Variants in TRAPPC8 observed in about 807,000 individuals in gnomAD.
The protein encoded by TRAPPC8 is general sporulation gene 1 homolog.
In TRAPPC8, 54 loss-of-function variants were observed where a neutral mutation model predicts 174.3. The observed-to-expected ratio is 0.31, with a 90% CI of 0.25 to 0.39. The LOEUF (loss-of-function observed/expected upper bound fraction) is 0.39, where lower values mean the gene tolerates loss of function less well. Among genes scored for constraint, TRAPPC8 ranks in the 10% least tolerant of loss-of-function variants. TRAPPC8 has a pLI of 1.00. For missense variants in TRAPPC8, 1,531 were observed against 1,699.1 expected (o/e 0.90, Z 1.74); for synonymous variants, 630 against 579.9 (o/e 1.09, Z -1.24).
In TRAPPC8 at chr18:31,913,369, C is replaced by G; in HGVS notation, c.771G>C (p.Gln257His). 1 of 1,561,664 alleles carries G rather than the reference C, an allele frequency of 6.4e-7. No individual in the cohort carries two copies. Among genetic ancestry groups the G allele is most frequent in the Non-Finnish European group, 8.6e-7 (1 of 1,161,220 alleles). The change falls in exon 5 of 29, where the codon CAG becomes CAC. Residue 257 changes from glutamine to histidine, a missense_variant and splice_region_variant. By Grantham distance (24) the Gln-to-His change is conservative. Coordinates refer to ENST00000283351, the MANE Select transcript of TRAPPC8 (RefSeq NM_014939.5). ...TGCTTCATTTATTTTTTACATATACCTGGTTTTGAATACTATTTTTCTGGA... is the reference window on the plus strand; with the variant it reads ...TGCTTCATTTATTTTTTACATATACGTGGTTTTGAATACTATTTTTCTGGA... ...QYLQKNSIQN[Q>H]ESYEDGPCTI...
rs746512056 is a variant in TRAPPC8, at chr18:31,917,607, T to C, written c.413A>G (p.Asp138Gly). The change falls in exon 3 of 29, where the codon GAT becomes GGT. Residue 138 changes from aspartate to glycine, a missense_variant. Asp to Gly is a moderately conservative substitution (Grantham distance 94). Transcript: ENST00000283351. ...TAAATAGTGGTTCAGAAATTCATGA[T>C]CCAATGCTGGCATCGACTGAAGAAA... ...ETFLQSMPAL[D>G]HEFLNHYLAC... is the part of the protein sequence containing the mutation. 2 of 1,613,386 alleles carry C rather than the reference T, an allele frequency of 1.2e-6. No homozygotes were observed. The highest frequency in any genetic ancestry group is 1.7e-6 in the Non-Finnish European group (2 of 1,179,744).
At chr18:31,936,657 T>C (rs2038110508) in intron 1 of TRAPPC8, among the ~76,000 whole-genome samples, 1 of 151,990 alleles carries the variant, frequency 6.6e-6, no homozygotes, top group Non-Finnish European at 1.5e-5. Flanking sequence ...ATCCAGCACT[T>C]TGGGAGGCCG....
chr18:31,906,095 G>A (rs1022073091), intron 9 of TRAPPC8, among the ~76,000 whole-genome samples: 3 of 151,398 alleles, frequency 2.0e-5, no homozygotes, highest in Admixed American at 6.6e-5. Context: ...TTGGTTGGCC[G>A]GGCACAGTAC....
Position 31,864,710 on chromosome 18 carries a change from T to C in TRAPPC8, c.2662A>G (p.Thr888Ala), listed in dbSNP as rs757396556. 2 of 1,613,262 alleles carry C rather than the reference T, an allele frequency of 1.2e-6. No homozygotes were observed. Among genetic ancestry groups the C allele is most frequent in the South Asian group, 1.1e-5 (1 of 91,010 alleles). ...TTAACAGATGTTTTCTCTTCTTTTG[T>C]GTTGTTAAGTCGAGGACCTTGAATT... The part of the protein sequence containing the change: ...LEIQGPRLNN[T>A]KEEKTSVKYG... The change falls in exon 19 of 29, where the codon ACA becomes GCA. Residue 888 changes from threonine (T) to alanine (A), a missense_variant. Transcript: ENST00000283351.
Position 31,942,903 on chromosome 18 carries a change from AGAAG to A in TRAPPC8, c.-143_-140del, listed in dbSNP as rs1334961704. On this transcript the variant is annotated 5_prime_UTR_variant, in exon 1 of 29. Coordinates refer to ENST00000283351, the MANE Select transcript of TRAPPC8 (RefSeq NM_014939.5). ...CCGAACGCACTGGAGCCTAGAAACAAGAAGGAACAGACGCCGCCGCTTCGGTTTC... is the reference window on the plus strand; with the variant it reads ...CCGAACGCACTGGAGCCTAGAAACAAGAACAGACGCCGCCGCTTCGGTTTC... 1.4e-5 allele frequency: 17 copies of A among 1,242,350 alleles called. No individual in the cohort carries two copies. Among genetic ancestry groups the A allele is most frequent in the Non-Finnish European group, 1.5e-5 (15 of 993,640 alleles). The allele number at this position is 1,242,350 out of a possible 1,614,324, so 77.0% of individuals were successfully genotyped here.
chr18:31,867,582 CA>C, intron 16 of TRAPPC8, 106 bp from the exon 17 acceptor site: 4 of 802,724 alleles, frequency 5.0e-6, no homozygotes, highest in South Asian at 3.5e-5. Context: ...TTAAAGTCTG[CA>C]TTTACTTGGT....
Position 31,943,089 on chromosome 18 carries a change from C to T in TRAPPC8, c.-325G>A. 1 of 421,172 alleles carries T rather than the reference C, an allele frequency of 2.4e-6. No homozygotes were observed. The highest frequency in any genetic ancestry group is 4.1e-6 in the Non-Finnish European group (1 of 245,576). The allele number at this position is 421,172 out of a possible 1,614,324, so 26.1% of individuals were successfully genotyped here. ...TTGGTCACTGCCCGGCCGGAACCGC[C>T]ATGTTGAGGCCGAACCCTGACCAAC... On this transcript the variant is annotated 5_prime_UTR_variant, in exon 1 of 29. An upstream start codon of the reference 5' UTR is lost. Coordinates refer to ENST00000283351, the MANE Select transcript of TRAPPC8 (RefSeq NM_014939.5).
chr18:31,869,404 T>A (rs1215304233), intron 16 of TRAPPC8, among the ~76,000 whole-genome samples: 7 of 152,204 alleles, frequency 4.6e-5, no homozygotes, highest in Non-Finnish European at 1.0e-4. Flanking sequence ...CTTACTGTCA[T>A]AAAGATTAGA....
intron 1 of TRAPPC8, among the ~76,000 whole-genome samples, chr18:31,932,427 CAAA>C (rs1360020262): frequency 4.7e-4 from 57 of 121,874 alleles, no homozygotes; most frequent in Non-Finnish European, 7.2e-4. Flanking sequence ...ACTTGGTCTC[CAAA>C]AAAAAAAAAA....
chr18:31,930,595 G>A (rs1033258655), intron 2 of TRAPPC8, among the ~76,000 whole-genome samples: 4 of 151,826 alleles, frequency 2.6e-5, no homozygotes, highest in South Asian at 2.1e-4. Flanking sequence ...TTTTAATATT[G>A]GAAAACAGTT....
chr18:31,895,419 GC>G (rs1315740427), intron 11 of TRAPPC8, among the ~76,000 whole-genome samples: 3 of 152,098 alleles, frequency 2.0e-5, no homozygotes, highest in African/African-American at 7.2e-5. Flanking sequence ...ACCACCACCT[GC>G]CCCCTCTCCC....
chr18:31,897,896 A>C lies in TRAPPC8; in HGVS notation c.1491-5T>G. ...CTTTCAGCCAACACCATATTCCTAT[A>C]GAAAAAAGGACAAGAAGATAAAATA... On this transcript the variant is annotated splice_polypyrimidine_tract_variant and splice_region_variant and intron_variant, in intron 10 of 28. Coordinates refer to ENST00000283351, the MANE Select transcript of TRAPPC8 (RefSeq NM_014939.5). 2 of 1,607,592 alleles carry C rather than the reference A, an allele frequency of 1.2e-6. No individual in the cohort carries two copies. The highest frequency in any genetic ancestry group is 1.7e-6 in the Non-Finnish European group (2 of 1,176,494).
intron 12 of TRAPPC8, among the ~76,000 whole-genome samples, chr18:31,882,571 C>T (rs2035507368): frequency 6.6e-6 from 1 of 152,066 alleles, no homozygotes. Context: ...ACACAATATA[C>T]TCATGCAGCA....
intron 11 of TRAPPC8, among the ~76,000 whole-genome samples, chr18:31,893,863 A>G (rs1215011856): frequency 1.3e-5 from 2 of 152,086 alleles, no homozygotes; most frequent in Non-Finnish European, 2.9e-5. Context: ...AAAATAATAT[A>G]CACACACACA....
intron 11 of TRAPPC8, chr18:31,896,300 A>G (rs2036181832): frequency 6.6e-6 from 1 of 152,192 alleles, no homozygotes; most frequent in South Asian, 2.1e-4. Flanking sequence ...AACCAACAAC[A>G]AAAGAAAGAG....
chr18:31,901,238 C>G (rs1455532468), intron 9 of TRAPPC8, among the ~76,000 whole-genome samples: 1 of 142,196 alleles, frequency 7.0e-6, no homozygotes, highest in East Asian at 2.1e-4. Context: ...GGACTGAAGT[C>G]AGAGAGGTCA....
At position 31,849,467 on chromosome 18, in the gene TRAPPC8, A is replaced by G. The variant is rs868019683; in HGVS notation, c.3735+99T>C. ...AGTTTCAATATTGAAACTAGAAAAG[A>G]TAAGCATAAAAAATATAAATAGTAA... On this transcript the variant is annotated intron_variant, in intron 25 of 28. Coordinates refer to ENST00000283351, the MANE Select transcript of TRAPPC8 (RefSeq NM_014939.5). 6.5e-6 allele frequency: 7 copies of G among 1,069,152 alleles called. No individual in the cohort carries two copies. The African/African-American group carries it at 8.3e-5, about 13-fold the overall frequency. 66.2% of individuals were successfully genotyped at this position (1,069,152 alleles called of 1,614,324 possible).
intron 11 of TRAPPC8, chr18:31,896,367 T>A (rs768482151): frequency 6.6e-6 from 1 of 152,122 alleles, no homozygotes; most frequent in African/African-American, 2.4e-5. Flanking sequence ...AGGTTAAAAT[T>A]GTTTTAATTA....
At chr18:31,859,581 TAG>T (rs1432257039) in intron 19 of TRAPPC8, among the ~76,000 whole-genome samples, 3 of 152,218 alleles carry the variant, frequency 2.0e-5, no homozygotes, top group East Asian at 1.9e-4. Context: ...CTAAAATACA[TAG>T]AGACACCTAG....
Sources: allele counts gnomAD v4.1 joint callset (sites outside exome capture counted in the v4.1 genomes callset), GRCh38; gene constraint gnomAD v4.1.1; transcripts MANE v1.5; gene names NCBI Gene and HGNC (gene_info 2026-07-23, HGNC 2026-07-21).